The following ARID1A variants were observed in gnomAD, a reference collection of about 807,000 sequenced individuals.
ARID1A encodes AT-rich interaction domain 1A.
In ARID1A, 20 loss-of-function variants were observed where a neutral mutation model predicts 212.6. The observed-to-expected ratio is 0.09, with a 90% CI of 0.07 to 0.14. The LOEUF (loss-of-function observed/expected upper bound fraction) is 0.14. Among genes scored for constraint, ARID1A ranks in the 10% least tolerant of loss-of-function variants. ARID1A has a pLI of 1.00. For missense variants in ARID1A, 2,587 were observed against 3,059.0 expected, an observed-to-expected ratio of 0.85 and a Z score of 3.64; for synonymous variants, 1,376 against 1,222.1, an observed-to-expected ratio of 1.13 and a Z score of -2.63.
At chr1:26,718,457 C>G (rs2080525676) in intron 1 of ARID1A, among the ~76,000 whole-genome samples, 2 of 152,126 alleles carry the variant, frequency 1.3e-5, no homozygotes, top group African/African-American at 2.4e-5. Context: ...TCCAAGACCC[C>G]CAGTGGGTGC....
intron 4 of ARID1A, among the ~76,000 whole-genome samples, chr1:26,755,328 A>G (rs1194034809): frequency 6.6e-6 from 1 of 152,254 alleles, no homozygotes; most frequent in Non-Finnish European, 1.5e-5. Context: ...TCTAATGAAA[A>G]TGACAGTTTG....
chr1:26,702,488 CTGAAGGAACCAAATGT>C (rs1431642353), intron 1 of ARID1A, among the ~76,000 whole-genome samples: 4 of 152,180 alleles, frequency 2.6e-5, no homozygotes, highest in Non-Finnish European at 5.9e-5. Context: ...TCTATCGTCT[CTGAAGGAACCAAATGT>C]TTCAGAGCTT....
intron 1 of ARID1A, among the ~76,000 whole-genome samples, chr1:26,700,694 C>T (rs2080324222): frequency 6.6e-6 from 1 of 152,162 alleles, no homozygotes; most frequent in African/African-American, 2.4e-5. Context: ...ACGGAAACAT[C>T]AAATGATATT....
rs913055930 is a variant in ARID1A at position 26,731,508 on chromosome 1, A to G, written c.1707A>G (p.Ala569=). The part of the protein sequence containing the change: ...PYQQQQPQQP[A]PSTLSQQAAY... Reference sequence around the variant, plus strand: ...AGCAGCAGCAACCTCAGCAGCCAGCACCCTCGACGCTCTCCCAGCAGGCTG... The same window carrying G: ...AGCAGCAGCAACCTCAGCAGCCAGCGCCCTCGACGCTCTCCCAGCAGGCTG... Residue 569 remains alanine, a synonymous_variant, in exon 3 of 20, where the codon GCA becomes GCG. Coordinates refer to ENST00000324856, the MANE Select transcript of ARID1A (RefSeq NM_006015.6). 5.0e-6 allele frequency: 8 copies of G among 1,613,338 alleles called. No individual in the cohort carries two copies. The African/African-American group carries it at 1.1e-4, about 22-fold the overall frequency.
At chr1:26,739,182 C>G (rs567804493) in intron 4 of ARID1A, among the ~76,000 whole-genome samples, 1 of 152,084 alleles carries the variant, frequency 6.6e-6, no homozygotes, top group Non-Finnish European at 1.5e-5. Flanking sequence ...CCACTGCGCC[C>G]GGCCCAGCTT....
Position 26,696,369 on chromosome 1 carries a change from G to T in ARID1A, c.-35G>T. 1 of 1,236,390 alleles carries T rather than the reference G, an allele frequency of 8.1e-7. No homozygotes were observed. Among genetic ancestry groups the T allele is most frequent in the Non-Finnish European group, 1.0e-6 (1 of 988,710 alleles). The allele number at this position is 1,236,390 out of a possible 1,614,324, so 76.6% of individuals were successfully genotyped here. A position where few individuals can be genotyped will look rare whatever the true frequency, so the allele number is the denominator to read the frequency against. Reference sequence around the variant, plus strand: ...GGAGGGGGGGAGAAGACGAAGACAGGGCCGGGTCTCTCCGCGGACGAGACA... The same window carrying T: ...GGAGGGGGGGAGAAGACGAAGACAGTGCCGGGTCTCTCCGCGGACGAGACA... On this transcript the variant is annotated 5_prime_UTR_variant, in exon 1 of 20. Coordinates refer to ENST00000324856, the MANE Select transcript of ARID1A (RefSeq NM_006015.6).
chr1:26,771,432 C>G lies in ARID1A; in HGVS notation c.3406+106C>G. 8.0e-7 allele frequency: 1 copy of G among 1,243,566 alleles called. No individual in the cohort carries two copies. The highest frequency in any genetic ancestry group is 1.1e-6 in the Non-Finnish European group (1 of 889,922). 77.0% of individuals were successfully genotyped at this position (1,243,566 alleles called of 1,614,324 possible). A position where few individuals can be genotyped will look rare whatever the true frequency, so the allele number is the denominator to read the frequency against. Reference sequence around the variant, plus strand: ...TTATCCAACAGGATATGCCAAGGATCTGTGCTCTGCCTTGCCCTACCACAG... The same window carrying G: ...TTATCCAACAGGATATGCCAAGGATGTGTGCTCTGCCTTGCCCTACCACAG... On this transcript the variant is annotated intron_variant, in intron 12 of 19. Coordinates refer to ENST00000324856, the MANE Select transcript of ARID1A (RefSeq NM_006015.6). The surrounding 1 kb of genome is among the most constrained non-coding windows in gnomAD (Gnocchi z 5.4).
intron 1 of ARID1A, among the ~76,000 whole-genome samples, chr1:26,707,689 T>C (rs946083634): frequency 2.0e-5 from 3 of 152,172 alleles, no homozygotes; most frequent in Admixed American, 6.5e-5. Context: ...TGAGTACTTA[T>C]TATGTGCTAA....
chr1:26,716,295 C>T (rs556192607), intron 1 of ARID1A, among the ~76,000 whole-genome samples: 33 of 152,038 alleles, frequency 2.2e-4, no homozygotes, highest in Non-Finnish European at 5.9e-5. Context: ...TACTGAGCTT[C>T]TACAGTGAAT....
intron 17 of ARID1A, 74 bp downstream of exon 17, chr1:26,773,972 G>A (rs1230487480): frequency 6.5e-7 from 1 of 1,534,240 alleles, no homozygotes; most frequent in Non-Finnish European, 9.0e-7. Flanking sequence ...AATCTAACGT[G>A]TTGAAGTCTA....
At chr1:26,743,785 CA>C (rs777459329) in intron 4 of ARID1A, among the ~76,000 whole-genome samples, 2,410 of 74,630 alleles carry the variant, frequency 0.032, 25 homozygotes, top group African/African-American at 0.085. Flanking sequence ...TACTCCATCT[CA>C]AAAAAAAAAA....
intron 1 of ARID1A, among the ~76,000 whole-genome samples, chr1:26,697,858 G>C (rs1461917364): frequency 6.7e-6 from 1 of 148,980 alleles, no homozygotes; most frequent in Non-Finnish European, 1.5e-5. Context: ...GGGTGAGGGG[G>C]TGAGGGGGCG....
chr1:26,719,102 A>G (rs182740899), intron 1 of ARID1A, among the ~76,000 whole-genome samples: 2 of 152,348 alleles, frequency 1.3e-5, no homozygotes, highest in South Asian at 2.1e-4. Flanking sequence ...CCAGGCCACT[A>G]GAGTTTCACT....
At chr1:26,751,526 A>G (rs1054079921) in intron 4 of ARID1A, among the ~76,000 whole-genome samples, 4 of 151,862 alleles carry the variant, frequency 2.6e-5, no homozygotes, top group Non-Finnish European at 5.9e-5. Flanking sequence ...GGTCTATTTA[A>G]TAGCTGTCTG....
chr1:26,776,068 T>C, intron 19 of ARID1A: 1 of 368,858 alleles, frequency 2.7e-6, no homozygotes, highest in African/African-American at 2.1e-5. Context: ...CCGAGGTTCA[T>C]GAACTCCTGA....
chr1:26,718,334 G>A (rs971735463), intron 1 of ARID1A, among the ~76,000 whole-genome samples: 1 of 152,120 alleles, frequency 6.6e-6, no homozygotes, highest in African/African-American at 2.4e-5. Context: ...TATCTGTTCT[G>A]TTGATAAGGA....
intron 1 of ARID1A, among the ~76,000 whole-genome samples, chr1:26,707,796 G>A (rs2080407583): frequency 6.6e-6 from 1 of 152,064 alleles, no homozygotes; most frequent in Non-Finnish European, 1.5e-5. Context: ...TTACAAATGA[G>A]GAAATAGAGT....
At chr1:26,722,763 A>T (rs2080577543) in intron 1 of ARID1A, among the ~76,000 whole-genome samples, 1 of 152,170 alleles carries the variant, frequency 6.6e-6, no homozygotes. Flanking sequence ...TCATAGGCTG[A>T]GTGGGTTTGA....
rs2124786099 is a variant in ARID1A, at chr1:26,729,966, G to A, written c.1350+103G>A. On this transcript the variant is annotated intron_variant, in intron 2 of 19. Transcript: ENST00000324856. Reference sequence around the variant, plus strand: ...CCTTGGCTTCCAAGCCTCTTGACAGGAATGTAGACCTGTTGGCTCAGTTAA... The same window carrying A: ...CCTTGGCTTCCAAGCCTCTTGACAGAAATGTAGACCTGTTGGCTCAGTTAA... 3.6e-6 allele frequency: 5 copies of A among 1,373,114 alleles called. No individual in the cohort carries two copies. In the South Asian group the frequency reaches 5.2e-5, roughly 14 times the overall value. 85.1% of individuals were successfully genotyped at this position (1,373,114 alleles called of 1,614,324 possible). A position where few individuals can be genotyped will look rare whatever the true frequency, so the allele number is the denominator to read the frequency against.
Sources: gnomAD v4.1 joint callset for allele counts (sites outside exome capture counted in the v4.1 genomes callset) on GRCh38, gnomAD v4.1.1 for gene constraint, Gnocchi (gnomAD v3.1) non-coding constraint, MANE v1.5 for transcripts, NCBI Gene and HGNC (gene_info 2026-07-23, HGNC 2026-07-21) for gene names.